The following DHX32 variants were observed in gnomAD, a reference collection of about 807,000 sequenced individuals.
DHX32 encodes putative pre-mRNA-splicing factor ATP-dependent RNA helicase DHX32.
In DHX32, 51 loss-of-function variants were observed where a neutral mutation model predicts 70.0. That is an observed-to-expected ratio of 0.73 (90% CI 0.58 to 0.92). DHX32 has a LOEUF of 0.92. Ranked by LOEUF, DHX32 falls within the 40% of genes least tolerant of loss-of-function variation. DHX32 has a pLI of 0.00. For synonymous variants in DHX32, 310 were observed against 315.3 expected (o/e 0.98, Z 0.18); for missense variants, 762 against 891.8 (o/e 0.85, Z 1.85).
chr10:125,840,384 C>T (rs906726744), intron 8 of DHX32, among the ~76,000 whole-genome samples: 8 of 152,368 alleles, frequency 5.3e-5, no homozygotes, highest in Non-Finnish European at 1.0e-4. Context: ...GCAGCCTCCC[C>T]TCAGCACCCC....
chr10:125,890,608 T>C (rs1416729171), intron 1 of DHX32: 1 of 152,358 alleles, frequency 6.6e-6, no homozygotes, highest in Non-Finnish European at 1.5e-5. Context: ...TGACAATTGG[T>C]TGAATATACA....
intron 2 of DHX32, among the ~76,000 whole-genome samples, chr10:125,860,900 C>G (rs1944183676): frequency 6.6e-6 from 1 of 151,752 alleles, no homozygotes; most frequent in Middle Eastern, 3.4e-3. Flanking sequence ...CTACAGGCGC[C>G]CGCCACCACG....
chr10:125,846,195 C>A (rs893842718), intron 6 of DHX32, among the ~76,000 whole-genome samples: 1 of 152,210 alleles, frequency 6.6e-6, no homozygotes, highest in Non-Finnish European at 1.5e-5. Flanking sequence ...ACTGTTCTTA[C>A]AGCCAGGAAG....
chr10:125,893,023 C>G (rs1391869970), intron 1 of DHX32, among the ~76,000 whole-genome samples: 2 of 152,220 alleles, frequency 1.3e-5, no homozygotes, highest in African/African-American at 4.8e-5. Flanking sequence ...AAGTCATGCA[C>G]TTAGCTCCAA....
At chr10:125,862,565 A>T (rs903580701) in intron 2 of DHX32, among the ~76,000 whole-genome samples, 4 of 152,194 alleles carry the variant, frequency 2.6e-5, no homozygotes, top group African/African-American at 9.6e-5. Context: ...GAGGAGGTTT[A>T]TGTGTTATGT....
At position 125,836,649 on chromosome 10, in the gene DHX32, C is replaced by A; in HGVS notation, c.*38G>T. 2 of 1,600,946 alleles carry A rather than the reference C, an allele frequency of 1.2e-6. No homozygotes were observed. The highest frequency in any genetic ancestry group is 4.5e-5 in the East Asian group (2 of 44,730). On this transcript the variant is annotated 3_prime_UTR_variant, in exon 11 of 11. Coordinates refer to ENST00000284690, the MANE Select transcript of DHX32 (RefSeq NM_018180.3). The stretch of plus-strand genomic sequence containing the variant: ...ATCCAGCAGTTCAGCCATCCAGCTA[C>A]CTTTGGGACCCTGCTGCACCTTGTG...
intron 3 of DHX32, among the ~76,000 whole-genome samples, chr10:125,857,931 G>T: frequency 1.5e-5 from 2 of 131,398 alleles, no homozygotes; most frequent in African/African-American, 2.9e-5. Context: ...ACAGGGTCTT[G>T]CTCTGTCACC....
Position 125,836,570 on chromosome 10 carries a change from C to A in DHX32, c.*117G>T. On this transcript the variant is annotated 3_prime_UTR_variant, in exon 11 of 11. Coordinates refer to ENST00000284690, the MANE Select transcript of DHX32 (RefSeq NM_018180.3). ...AAAATAATATACACAGTGTTATTTT[C>A]TTCAAGACCGTCCTGTGGATGTGAA... The A allele has an allele frequency of 1.4e-6, 2 of 1,385,418 alleles. No individual in the cohort carries two copies. Among genetic ancestry groups the A allele is most frequent in the South Asian group, 1.6e-5 (1 of 63,188 alleles). 85.8% of individuals were successfully genotyped at this position (1,385,418 alleles called of 1,614,324 possible). A position where few individuals can be genotyped will look rare whatever the true frequency, so the allele number is the denominator to read the frequency against.
In DHX32 at chr10:125,866,919, T is replaced by A. The variant is rs1944223656; in HGVS notation, c.476+71A>T. ...CTTAACAGGTAGAATGCCAGAATAA[T>A]GCTCCTTCAGAATTGTAGAACCTAA... is the stretch of plus-strand genomic sequence containing the variant. On this transcript the variant is annotated intron_variant, in intron 2 of 10. Coordinates refer to ENST00000284690, the MANE Select transcript of DHX32 (RefSeq NM_018180.3). This position sits in a 1 kb window ranked among gnomAD's most constrained non-coding sequence, Gnocchi z 4.8. 2 of 1,495,306 alleles carry A rather than the reference T, an allele frequency of 1.3e-6. No homozygotes were observed. The highest frequency in any genetic ancestry group is 1.8e-6 in the Non-Finnish European group (2 of 1,094,306). The allele number at this position is 1,495,306 out of a possible 1,614,324, so 92.6% of individuals were successfully genotyped here.
At chr10:125,860,781 A>T in intron 2 of DHX32, among the ~76,000 whole-genome samples, 2 of 125,792 alleles carry the variant, frequency 1.6e-5, no homozygotes, top group South Asian at 2.7e-4. Flanking sequence ...TTTGAGATAG[A>T]GTCTCGCTCT....
intron 1 of DHX32, among the ~76,000 whole-genome samples, chr10:125,874,884 C>A (rs1268555435): frequency 6.6e-6 from 1 of 152,072 alleles, no homozygotes; most frequent in South Asian, 2.1e-4. Flanking sequence ...GTGTATATTG[C>A]ACTCACATAC....
chr10:125,854,299 G>A (rs553323270), intron 3 of DHX32, 96 bp from the exon 4 acceptor site: 82 of 1,260,414 alleles, frequency 6.5e-5, no homozygotes, highest in South Asian at 4.9e-4. Flanking sequence ...GCAATACTAC[G>A]TAACAGATAC....
intron 1 of DHX32, among the ~76,000 whole-genome samples, chr10:125,871,742 C>G (rs958290659): frequency 6.6e-6 from 1 of 152,186 alleles, no homozygotes; most frequent in African/African-American, 2.4e-5. Context: ...TTGAGTATTT[C>G]ACATTTCAAG....
At chr10:125,848,686 T>TTC (rs1359414256) in intron 6 of DHX32, among the ~76,000 whole-genome samples, 2 of 152,208 alleles carry the variant, frequency 1.3e-5, no homozygotes, top group African/African-American at 4.8e-5. Flanking sequence ...CATTATCTGC[T>TTC]TCTCACACCC....
chr10:125,890,989 C>G (rs5788728), intron 1 of DHX32, among the ~76,000 whole-genome samples: 1 of 151,954 alleles, frequency 6.6e-6, no homozygotes, highest in African/African-American at 2.4e-5. Context: ...AAGTCCCCCC[C>G]GAGCTCAATC....
chr10:125,890,552 T>G (rs1944364483), intron 1 of DHX32: 1 of 152,294 alleles, frequency 6.6e-6, no homozygotes, highest in East Asian at 1.9e-4. Flanking sequence ...AAAAGGTCCA[T>G]TTTTAACTCA....
chr10:125,852,440 AG>A lies in DHX32; in HGVS notation c.1203del (p.Cys402AlafsTer12). The A allele has an allele frequency of 1.2e-6, 2 of 1,614,008 alleles. No individual in the cohort carries two copies. The highest frequency in any genetic ancestry group is 1.7e-6 in the Non-Finnish European group (2 of 1,179,966). Reference protein sequence around the residue: ...ILGSSSSGKFFCLYTEEFASK... With the variant: ...ILGSSSSGKFXCLYTEEFASK... Reference sequence around the variant, plus strand: ...GAGGCAAATTCTTCAGTGTACAGGCAGAAAAATTTTCCTAAAAGACACCAAG... The same window carrying A: ...GAGGCAAATTCTTCAGTGTACAGGCAAAAAATTTTCCTAAAAGACACCAAG... On this transcript the variant is annotated frameshift_variant, in exon 6 of 11. Transcript: ENST00000284690. LOFTEE classifies it high-confidence loss of function.
Position 125,859,897 on chromosome 10 carries a change from A to G in DHX32, c.555T>C (p.Asp185=), listed in dbSNP as rs1392168406. The G allele has an allele frequency of 1.2e-6, 2 of 1,613,880 alleles. No individual in the cohort carries two copies. The highest frequency in any genetic ancestry group is 8.5e-7 in the Non-Finnish European group (1 of 1,179,954). The change falls in exon 3 of 11, where the codon GAT becomes GAC. Residue 185 remains aspartate, a synonymous_variant. Coordinates refer to ENST00000284690, the MANE Select transcript of DHX32 (RefSeq NM_018180.3). ...FLGSYGVIIL[D]DIHERSIATD... ...TTGCAATGCTTCTTTCATGAATATC[A>G]TCTAAGATGATGACCCCATAGCTAC...
At chr10:125,868,409 C>A (rs1388563126) in intron 1 of DHX32, among the ~76,000 whole-genome samples, 1 of 152,112 alleles carries the variant, frequency 6.6e-6, no homozygotes, top group African/African-American at 2.4e-5. Context: ...TTATGAGATT[C>A]ATTATGAAAT....
Sources: allele counts gnomAD v4.1 joint callset (sites outside exome capture counted in the v4.1 genomes callset), GRCh38; gene constraint gnomAD v4.1.1; non-coding constraint Gnocchi (gnomAD v3.1); transcripts MANE v1.5; gene names NCBI Gene and HGNC (gene_info 2026-07-23, HGNC 2026-07-21).